RBFOX1: variants seen among roughly 807,000 people sequenced by gnomAD.
RBFOX1 encodes RNA binding protein fox-1 homolog 1.
Under a neutral mutation model 57.7 loss-of-function variants are expected in RBFOX1, and 8 were observed. The observed-to-expected ratio is 0.14, with a 90% CI of 0.08 to 0.25. The LOEUF is 0.25. Among genes scored for constraint, RBFOX1 ranks in the 10% least tolerant of loss-of-function variants. RBFOX1 has a pLI of 1.00. For missense variants in RBFOX1, 611 were observed against 548.5 expected, an observed-to-expected ratio of 1.11 and a Z score of -1.14; for synonymous variants, 326 against 222.4, an observed-to-expected ratio of 1.47 and a Z score of -4.15.
At chr16:5,826,169 C>G (rs1185787962) in intron 3 of RBFOX1, among the ~76,000 whole-genome samples, 1 of 147,398 alleles carries the variant, frequency 6.8e-6, no homozygotes, top group Non-Finnish European at 1.5e-5. Context: ...ACATATTATT[C>G]TTATATGTTA....
intron 3 of RBFOX1, among the ~76,000 whole-genome samples, chr16:6,944,397 GAAAAA>G (rs199499186): frequency 6.6e-5 from 7 of 106,118 alleles, no homozygotes; most frequent in African/African-American, 2.2e-4. Flanking sequence ...CCATCTCAGA[GAAAAA>G]AAAAAAAAAA....
chr16:6,707,255 A>C (rs746402658), intron 3 of RBFOX1, among the ~76,000 whole-genome samples: 1 of 152,168 alleles, frequency 6.6e-6, no homozygotes, highest in Non-Finnish European at 1.5e-5. Flanking sequence ...TCCTCCTCCA[A>C]TATTTGGGAG....
At position 7,074,238 on chromosome 16, in the gene RBFOX1, T is replaced by C. The variant is rs959489425; in HGVS notation, c.27+22140T>C. Among the ~76,000 whole-genome samples, 8 of 152,320 alleles carry C rather than the reference T, an allele frequency of 5.3e-5. 1 individual carries two copies. In the East Asian group the frequency reaches 1.5e-3, roughly 29 times the overall value. On this transcript the variant is annotated intron_variant, in intron 4 of 15. Transcript: ENST00000550418. ...TTTGAAATAACTGTTTGAAATATTG[T>C]AGGGTTTATAGGAAAAGATGGACAT... is the stretch of plus-strand genomic sequence containing the variant.
At chr16:5,802,560 C>G (rs746210516) in intron 3 of RBFOX1, among the ~76,000 whole-genome samples, 2 of 152,154 alleles carry the variant, frequency 1.3e-5, no homozygotes, top group African/African-American at 2.4e-5. Flanking sequence ...GCTTGTTAAC[C>G]TACGGGGAGA....
At chr16:5,696,738 C>G (rs1166476580) in intron 3 of RBFOX1, among the ~76,000 whole-genome samples, 1 of 152,020 alleles carries the variant, frequency 6.6e-6, no homozygotes, top group Non-Finnish European at 1.5e-5. Flanking sequence ...TATTGCCTTC[C>G]CATCTATGAA....
At chr16:7,439,414 A>G (rs1432188487) in intron 4 of RBFOX1, among the ~76,000 whole-genome samples, 1 of 152,006 alleles carries the variant, frequency 6.6e-6, no homozygotes, top group Non-Finnish European at 1.5e-5. Context: ...GTGGAGGAAA[A>G]GGCATCCATT....
intron 3 of RBFOX1, among the ~76,000 whole-genome samples, chr16:6,889,778 A>T (rs2064988039): frequency 6.6e-6 from 1 of 152,154 alleles, no homozygotes; most frequent in African/African-American, 2.4e-5. Context: ...CATTTTTCCA[A>T]AGGTTGGGTG....
chr16:5,360,870 G>C (rs1016960525), intron 1 of RBFOX1, among the ~76,000 whole-genome samples: 1 of 152,244 alleles, frequency 6.6e-6, no homozygotes, highest in African/African-American at 2.4e-5. Flanking sequence ...TGATCTTATA[G>C]CATGAACCTG....
intron 4 of RBFOX1, among the ~76,000 whole-genome samples, chr16:7,229,000 G>A (rs9889156): frequency 0.042 from 6,451 of 152,134 alleles, 173 homozygotes; most frequent in Middle Eastern, 0.071. Context: ...GGAAGGATGG[G>A]GAATAGCAGG....
At chr16:6,099,042 G>A (rs986821986) in intron 1 of RBFOX1, among the ~76,000 whole-genome samples, 1 of 152,220 alleles carries the variant, frequency 6.6e-6, no homozygotes, top group African/African-American at 2.4e-5. Context: ...TTATTAGGCA[G>A]AGAATGTTTC....
intron 1 of RBFOX1, among the ~76,000 whole-genome samples, chr16:6,020,596 A>T (rs892573803): frequency 6.6e-6 from 1 of 152,034 alleles, no homozygotes; most frequent in African/African-American, 2.4e-5. Flanking sequence ...GCGAATGGGA[A>T]ACTCCTACTG....
chr16:5,287,158 A>C (rs2063415411), intron 1 of RBFOX1, among the ~76,000 whole-genome samples: 1 of 152,158 alleles, frequency 6.6e-6, no homozygotes, highest in Non-Finnish European at 1.5e-5. Flanking sequence ...TAAAAAAATT[A>C]GCTAAGCATG....
At position 5,662,719 on chromosome 16, in the gene RBFOX1, A is replaced by G. The variant is rs555515363; in HGVS notation, c.318+63758A>G. Among the ~76,000 whole-genome samples the G allele has an allele frequency of 5.9e-5, 9 of 152,370 alleles. No individual in the cohort carries two copies. In the South Asian group the frequency reaches 1.7e-3, roughly 28 times the overall value. On this transcript the variant is annotated intron_variant, in intron 3 of 19. Transcript: ENST00000641259. ...ATGTTTCTAATAAGTCACTGATAAC[A>G]CAGCAGTAGGGGGTGGAGGTTTGAA...
At chr16:5,753,501 C>T (rs949463120) in intron 3 of RBFOX1, among the ~76,000 whole-genome samples, 1 of 152,164 alleles carries the variant, frequency 6.6e-6, no homozygotes. Context: ...TATGCGGCAA[C>T]GGAGTTGCTT....
chr16:6,353,715 A>G (rs557804199), intron 2 of RBFOX1, among the ~76,000 whole-genome samples: 53 of 152,084 alleles, frequency 3.5e-4, no homozygotes, highest in South Asian at 6.2e-4. Context: ...TTCGGCCACA[A>G]AGTCTTTGCT....
chr16:6,864,153 C>T (rs1172587288), intron 3 of RBFOX1, among the ~76,000 whole-genome samples: 1 of 152,048 alleles, frequency 6.6e-6, no homozygotes, highest in Non-Finnish European at 1.5e-5. Context: ...GGGGTCATTT[C>T]AGGGAAATTA....
intron 4 of RBFOX1, among the ~76,000 whole-genome samples, chr16:7,439,949 CTTTTTT>C: frequency 1.1e-5 from 1 of 94,058 alleles, no homozygotes; most frequent in Admixed American, 1.1e-4. Context: ...TCTTTTCTTT[CTTTTTT>C]TTTTTTTTTT....
chr16:5,700,172 T>C (rs1276647022), intron 3 of RBFOX1, among the ~76,000 whole-genome samples: 1 of 152,244 alleles, frequency 6.6e-6, no homozygotes, highest in Non-Finnish European at 1.5e-5. Context: ...GTTTAATATT[T>C]TTTGAAATAG....
intron 3 of RBFOX1, among the ~76,000 whole-genome samples, chr16:6,726,068 C>G (rs1205097823): frequency 1.3e-5 from 2 of 152,120 alleles, no homozygotes; most frequent in Non-Finnish European, 2.9e-5. Context: ...CGTGTTGACT[C>G]CTACGTGATT....
Sources: gnomAD v4.1 joint callset for allele counts (sites outside exome capture counted in the v4.1 genomes callset) on GRCh38, gnomAD v4.1.1 for gene constraint, MANE v1.5 for transcripts, NCBI Gene and HGNC (gene_info 2026-07-23, HGNC 2026-07-21) for gene names.